HTT: variants seen among roughly 807,000 people sequenced by gnomAD.
The protein encoded by HTT is huntingtin.
In HTT, 104 loss-of-function variants were observed where a neutral mutation model predicts 362.3. That is an observed-to-expected ratio of 0.29 (90% CI 0.24 to 0.34). The LOEUF (loss-of-function observed/expected upper bound fraction) is 0.34. HTT is among the 10% of genes least tolerant of loss of function. The probability of loss-of-function intolerance (pLI) is 1.00; values close to 1 mark genes in which losing one functional copy is unlikely to be tolerated. For missense variants in HTT, 3,301 were observed against 3,928.6 expected (o/e 0.84, Z 4.27); for synonymous variants, 1,577 against 1,548.7 (o/e 1.02, Z -0.43).
intron 40 of HTT, among the ~76,000 whole-genome samples, chr4:3,198,257 G>T (rs1337433540): frequency 7.7e-5 from 9 of 116,752 alleles, no homozygotes; most frequent in Non-Finnish European, 1.5e-4. Flanking sequence ...ATAGAGTCTC[G>T]CTCCATTGCC....
At chr4:3,191,179 C>CTTTCTTTT (rs1553918331) in intron 40 of HTT, among the ~76,000 whole-genome samples, 1 of 120,338 alleles carries the variant, frequency 8.3e-6, no homozygotes, top group Admixed American at 8.4e-5. Context: ...TTCTTTCTTT[C>CTTTCTTTT]TTTTTTTTTT....
intron 60 of HTT, among the ~76,000 whole-genome samples, chr4:3,232,770 C>A (rs148816211): frequency 6.6e-6 from 1 of 152,230 alleles, no homozygotes; most frequent in African/African-American, 2.4e-5. Context: ...CACAGTGAGC[C>A]GTGACAGCGC....
Position 3,218,464 on chromosome 4 carries a change from C to T in HTT, c.7242+512C>T, listed in dbSNP as rs1404773090. ...CCTGGCCAACATGGTGAAACCCCAT[C>T]TCTACTAAAAATATAAAAATTAGCC... On this transcript the variant is annotated intron_variant, in intron 52 of 66. Transcript: ENST00000355072. The surrounding 1 kb of genome is among the most constrained non-coding windows in gnomAD (Gnocchi z 4.4). Among the ~76,000 whole-genome samples the T allele has an allele frequency of 6.6e-6, 1 of 152,118 alleles. No individual in the cohort carries two copies. Among genetic ancestry groups the T allele is most frequent in the African/African-American group, 2.4e-5 (1 of 41,424 alleles).
Position 3,209,982 on chromosome 4 carries a change from C to T in HTT, c.6414+33C>T, listed in dbSNP as rs764731011. Reference sequence around the variant, plus strand: ...GGGAGCAGTGGAGGCAAGGAATCCTCAGCTTTTCTTGTGACTTCCAAGTGG... The same window carrying T: ...GGGAGCAGTGGAGGCAAGGAATCCTTAGCTTTTCTTGTGACTTCCAAGTGG... On this transcript the variant is annotated intron_variant, in intron 47 of 66. Transcript: ENST00000355072. The T allele has an allele frequency of 2.5e-5, 40 of 1,607,948 alleles. No homozygotes were observed. In the South Asian group the frequency reaches 4.1e-4, roughly 16 times the overall value.
chr4:3,211,307 T>C (rs1340344270), intron 47 of HTT, among the ~76,000 whole-genome samples: 1 of 152,252 alleles, frequency 6.6e-6, no homozygotes, highest in Non-Finnish European at 1.5e-5. Flanking sequence ...CTAATTGGGC[T>C]TTGAACAGCT....
intron 25 of HTT, 28 bp downstream of exon 25, chr4:3,146,976 T>A (rs1297937284): frequency 6.2e-7 from 1 of 1,612,550 alleles, no homozygotes; most frequent in African/African-American, 1.3e-5. Flanking sequence ...AAACAGGGAC[T>A]CCAGGACTTG....
Position 3,087,931 on chromosome 4 carries a change from A to T in HTT, c.347+909A>T, listed in dbSNP as rs573242176. Among the ~76,000 whole-genome samples, 176 of 152,052 alleles carry T rather than the reference A, an allele frequency of 1.2e-3. 3 individuals carry two copies. Among genetic ancestry groups the T allele is most frequent in the African/African-American group, 4.1e-3 (168 of 41,450 alleles). Reference sequence around the variant, plus strand: ...AATGGCGTGATCTCGGCTCACTGCAACCTCTGCCTCCTGGGTTCAAGTGAT... The same window carrying T: ...AATGGCGTGATCTCGGCTCACTGCATCCTCTGCCTCCTGGGTTCAAGTGAT... On this transcript the variant is annotated intron_variant, in intron 2 of 66. Coordinates refer to ENST00000355072, the MANE Select transcript of HTT (RefSeq NM_001388492.1).
In HTT at chr4:3,206,077, T is replaced by C. The variant is rs1476871960; in HGVS notation, c.5719-419T>C. ...ATCACAAAATTGGAAAAAGAGTAATTGGAGAACCCCACTGGCTTAGCCGGC... is the reference window on the plus strand; with the variant it reads ...ATCACAAAATTGGAAAAAGAGTAATCGGAGAACCCCACTGGCTTAGCCGGC... On this transcript the variant is annotated intron_variant, in intron 42 of 66. Transcript: ENST00000355072. This position sits in a 1 kb window ranked among gnomAD's most constrained non-coding sequence, Gnocchi z 4.6. 6.6e-6 allele frequency among the ~76,000 whole-genome samples: 1 copy of C among 152,246 alleles called. No homozygotes were observed. Among genetic ancestry groups the C allele is most frequent in the Non-Finnish European group, 1.5e-5 (1 of 68,038 alleles).
chr4:3,116,379 G>T, intron 8 of HTT, 116 bp downstream of exon 8: 1 of 857,248 alleles, frequency 1.2e-6, no homozygotes, highest in Non-Finnish European at 1.8e-6. Flanking sequence ...CTCTGGAGCT[G>T]CGCTGCTCGT....
chr4:3,199,273 C>T lies in HTT; in HGVS notation c.5369-459C>T, dbSNP rs182605863. On this transcript the variant is annotated intron_variant, in intron 40 of 66. Transcript: ENST00000355072. ...TAAGTGGGATATTGGCCAGGCACGG[C>T]GGCTCACGCCTTAATCCCAGCACTT... Among the ~76,000 whole-genome samples, 831 of 152,256 alleles carry T rather than the reference C, an allele frequency of 5.5e-3. 1 individual carries two copies. The highest frequency in any genetic ancestry group is 6.8e-3 in the Middle Eastern group (2 of 294).
At chr4:3,081,003 G>A (rs1712869669) in intron 1 of HTT, among the ~76,000 whole-genome samples, 1 of 152,222 alleles carries the variant, frequency 6.6e-6, no homozygotes, top group Admixed American at 6.5e-5. Flanking sequence ...TTGTGTCACA[G>A]TTTAAATTCA....
In HTT at chr4:3,125,529, G is replaced by A. The variant is rs1472122095; in HGVS notation, c.1322-20G>A. 4.5e-6 allele frequency: 7 copies of A among 1,571,318 alleles called. No individual in the cohort carries two copies. The Admixed American group carries it at 5.0e-5, about 11-fold the overall frequency. On this transcript the variant is annotated intron_variant, in intron 10 of 66. Transcript: ENST00000355072. ...TTATTTTTAGCAAACTAAAAGGAAT[G>A]TTGGTACATTATTTACTAGGCAAAG...
chr4:3,130,653 A>G (rs1237977287), intron 14 of HTT, among the ~76,000 whole-genome samples: 1 of 152,156 alleles, frequency 6.6e-6, no homozygotes. Flanking sequence ...AGACAAATCT[A>G]TTCTGTACTG....
At chr4:3,234,110 C>G (rs984942198) in intron 61 of HTT, among the ~76,000 whole-genome samples, 1 of 152,198 alleles carries the variant, frequency 6.6e-6, no homozygotes, top group Non-Finnish European at 1.5e-5. Context: ...GACAAGTGGG[C>G]AGGAAACGGG....
intron 59 of HTT, 79 bp from the exon 60 acceptor site, chr4:3,229,808 G>T (rs1048827234): frequency 6.9e-7 from 1 of 1,448,062 alleles, no homozygotes; most frequent in Non-Finnish European, 9.7e-7. Context: ...CGACTTGCCA[G>T]TAGTAGCGTT....
chr4:3,165,089 C>A (rs549200413), intron 29 of HTT, among the ~76,000 whole-genome samples: 47 of 152,316 alleles, frequency 3.1e-4, no homozygotes, highest in African/African-American at 9.9e-4. Flanking sequence ...TTAGTGCTTC[C>A]TTCAGGAGCT....
chr4:3,126,961 A>G (rs1261350565), intron 11 of HTT, among the ~76,000 whole-genome samples: 3 of 152,172 alleles, frequency 2.0e-5, no homozygotes, highest in Non-Finnish European at 4.4e-5. Context: ...ATGTCTTTAT[A>G]TATTGCTCCA....
intron 21 of HTT, among the ~76,000 whole-genome samples, chr4:3,138,067 TCCTTC>T (rs1716155921): frequency 2.1e-5 from 1 of 48,520 alleles, no homozygotes; most frequent in African/African-American, 9.7e-5. Flanking sequence ...ATACCATTGT[TCCTTC>T]CTTCCTTCCT....
At chr4:3,203,357 G>C (rs563968344) in intron 41 of HTT, among the ~76,000 whole-genome samples, 15 of 152,184 alleles carry the variant, frequency 9.9e-5, no homozygotes, top group Non-Finnish European at 1.5e-4. Context: ...GACGTCGCTC[G>C]GTCAGACCCT....
Sources: gnomAD v4.1 joint callset for allele counts (sites outside exome capture counted in the v4.1 genomes callset) on GRCh38, gnomAD v4.1.1 for gene constraint, Gnocchi (gnomAD v3.1) non-coding constraint, MANE v1.5 for transcripts, NCBI Gene and HGNC (gene_info 2026-07-23, HGNC 2026-07-21) for gene names.